Variants in CTNND2 observed in about 807,000 individuals in gnomAD.
CTNND2 encodes catenin delta 2, also known as catenin delta-2.
CTNND2 carries 22 observed loss-of-function variants against 144.4 expected under a neutral mutation model. The ratio of observed to expected loss-of-function variants is 0.15; its 90% CI spans 0.11 to 0.22. The LOEUF (loss-of-function observed/expected upper bound fraction) is 0.22. CTNND2 is among the 10% of genes least tolerant of loss of function. CTNND2 has a pLI of 1.00. For missense variants in CTNND2, 1,353 were observed against 1,618.8 expected, an observed-to-expected ratio of 0.84 and a Z score of 2.82; for synonymous variants, 751 against 695.6, an observed-to-expected ratio of 1.08 and a Z score of -1.25.
At chr5:11,419,650 A>G (rs554095799) in intron 3 of CTNND2, among the ~76,000 whole-genome samples, 1 of 152,304 alleles carries the variant, frequency 6.6e-6, no homozygotes, top group East Asian at 1.9e-4. Context: ...ACAACCTTTG[A>G]GTTCCTTCAC....
chr5:11,281,605 T>C (rs1747124917), intron 9 of CTNND2, among the ~76,000 whole-genome samples: 1 of 152,240 alleles, frequency 6.6e-6, no homozygotes, highest in Non-Finnish European at 1.5e-5. Flanking sequence ...CATAGATTTG[T>C]TTCCTCACAT....
At chr5:11,747,839 G>A (rs565629301) in intron 1 of CTNND2, among the ~76,000 whole-genome samples, 6 of 152,192 alleles carry the variant, frequency 3.9e-5, no homozygotes, top group South Asian at 2.1e-4. Flanking sequence ...ACAGTGGTTC[G>A]CAACATGTTC....
intron 2 of CTNND2, among the ~76,000 whole-genome samples, chr5:11,615,831 T>A (rs898972861): frequency 6.6e-6 from 1 of 152,180 alleles, no homozygotes; most frequent in Non-Finnish European, 1.5e-5. Context: ...CCCAAGATCA[T>A]CAAGGATGGC....
At chr5:11,272,733 C>T (rs1746147259) in intron 9 of CTNND2, among the ~76,000 whole-genome samples, 1 of 152,166 alleles carries the variant, frequency 6.6e-6, no homozygotes. Context: ...ATTTGCACTA[C>T]TTAGACTCAA....
intron 1 of CTNND2, among the ~76,000 whole-genome samples, chr5:11,773,209 C>T (rs933879277): frequency 5.3e-5 from 8 of 152,178 alleles, no homozygotes; most frequent in Admixed American, 5.2e-4. Flanking sequence ...TCAAATATAT[C>T]TATGAATCCA....
At chr5:11,360,412 T>C (rs1028553434) in intron 8 of CTNND2, among the ~76,000 whole-genome samples, 9 of 152,080 alleles carry the variant, frequency 5.9e-5, no homozygotes, top group Non-Finnish European at 1.2e-4. Context: ...AGTGGTGTTT[T>C]GAGTAAGGAA....
At chr5:11,223,036 C>A (rs925121118) in intron 10 of CTNND2, among the ~76,000 whole-genome samples, 1 of 152,184 alleles carries the variant, frequency 6.6e-6, no homozygotes, top group Non-Finnish European at 1.5e-5. Context: ...CAGGCCACTG[C>A]CTATGTCTGT....
At chr5:11,262,672 G>A (rs1744994222) in intron 9 of CTNND2, among the ~76,000 whole-genome samples, 1 of 139,780 alleles carries the variant, frequency 7.2e-6, no homozygotes, top group Non-Finnish European at 1.5e-5. Flanking sequence ...TGAAGCAGGA[G>A]AATGGCGTGA....
intron 1 of CTNND2, among the ~76,000 whole-genome samples, chr5:11,880,847 C>T (rs1028504144): frequency 7.9e-6 from 1 of 127,262 alleles, no homozygotes; most frequent in East Asian, 2.2e-4. Context: ...ACTACTACTA[C>T]CACCACTACT....
intron 6 of CTNND2, 91 bp downstream of exon 6, chr5:11,396,940 C>A: frequency 7.6e-7 from 1 of 1,311,376 alleles, no homozygotes; most frequent in Non-Finnish European, 1.0e-6. Context: ...AAAAGGCAGG[C>A]TGGATCTCCA....
At chr5:11,792,093 C>T (rs965933252) in intron 1 of CTNND2, among the ~76,000 whole-genome samples, 5 of 152,156 alleles carry the variant, frequency 3.3e-5, no homozygotes, top group Admixed American at 6.5e-5. Context: ...ACCATCAATT[C>T]TCTTTTCTCT....
At chr5:11,796,064 T>G (rs115301758) in intron 1 of CTNND2, among the ~76,000 whole-genome samples, 98 of 152,346 alleles carry the variant, frequency 6.4e-4, no homozygotes, top group African/African-American at 2.3e-3. Flanking sequence ...AGTCCTCTCC[T>G]GACCCTCCTC....
intron 2 of CTNND2, among the ~76,000 whole-genome samples, chr5:11,698,509 G>A (rs1350057752): frequency 1.3e-5 from 2 of 151,786 alleles, no homozygotes; most frequent in South Asian, 2.1e-4. Flanking sequence ...GGATGGTCTC[G>A]ATATCCTGAC....
intron 3 of CTNND2, among the ~76,000 whole-genome samples, chr5:11,450,255 T>C (rs1765184311): frequency 6.6e-6 from 1 of 152,216 alleles, no homozygotes; most frequent in Non-Finnish European, 1.5e-5. Context: ...AAAGGTGCTA[T>C]TGGTAGGTTC....
chr5:11,519,870 G>A (rs1772554955), intron 3 of CTNND2, among the ~76,000 whole-genome samples: 1 of 151,936 alleles, frequency 6.6e-6, no homozygotes, highest in Non-Finnish European at 1.5e-5. Context: ...CAGGCATGGT[G>A]GCTCATGCCT....
In CTNND2 at chr5:11,384,756, G is replaced by T; in HGVS notation, c.1086C>A (p.Thr362=). The T allele has an allele frequency of 6.2e-7, 1 of 1,613,014 alleles. No individual in the cohort carries two copies. The highest frequency in any genetic ancestry group is 1.3e-5 in the African/African-American group (1 of 75,040). ...GCTCGGACGCGTGGACCAGGCGCTT[G>T]GTGGGCGACAGGGTGGCGTACGTGC... ...TIGTYATLSP[T]KRLVHASEQY... is the part of the protein sequence containing the mutation. The change falls in exon 7 of 22, where the codon ACC becomes ACA. Residue 362 remains threonine, a synonymous_variant. Transcript: ENST00000304623. This position sits in a 1 kb window ranked among gnomAD's most constrained non-coding sequence, Gnocchi z 5.2.
At chr5:11,629,858 T>C (rs1781331382) in intron 2 of CTNND2, among the ~76,000 whole-genome samples, 1 of 152,028 alleles carries the variant, frequency 6.6e-6, no homozygotes, top group Non-Finnish European at 1.5e-5. Flanking sequence ...TAACATACCA[T>C]TGGTCTCCAA....
chr5:11,452,771 T>G (rs1042580777), intron 3 of CTNND2, among the ~76,000 whole-genome samples: 1 of 152,238 alleles, frequency 6.6e-6, no homozygotes, highest in Non-Finnish European at 1.5e-5. Flanking sequence ...GAATCTAAAC[T>G]TTTGATGTAG....
At chr5:11,148,130 G>A (rs1261153781) in intron 12 of CTNND2, among the ~76,000 whole-genome samples, 1 of 152,206 alleles carries the variant, frequency 6.6e-6, no homozygotes, top group Non-Finnish European at 1.5e-5. Flanking sequence ...TAGATTCATA[G>A]AGAAAGAGCA....
Sources: gnomAD v4.1 joint callset for allele counts (sites outside exome capture counted in the v4.1 genomes callset) on GRCh38, gnomAD v4.1.1 for gene constraint, Gnocchi (gnomAD v3.1) non-coding constraint, MANE v1.5 for transcripts, NCBI Gene and HGNC (gene_info 2026-07-23, HGNC 2026-07-21) for gene names.